Variants in IGF1R observed in about 807,000 individuals in gnomAD.
IGF1R encodes the protein insulin like growth factor 1 receptor, also known as insulin-like growth factor 1 receptor.
IGF1R carries 44 observed loss-of-function variants against 144.6 expected under a neutral mutation model. The observed-to-expected ratio is 0.30, with a 90% CI of 0.24 to 0.39. The LOEUF is 0.39. Among genes scored for constraint, IGF1R ranks in the 10% least tolerant of loss-of-function variants. IGF1R has a pLI of 1.00. For missense variants in IGF1R, 1,355 were observed against 1,833.7 expected (o/e 0.74, Z 4.77); for synonymous variants, 795 against 722.8 (o/e 1.10, Z -1.60).
At chr15:98,715,417 A>C (rs1207273904) in intron 2 of IGF1R, among the ~76,000 whole-genome samples, 1 of 152,192 alleles carries the variant, frequency 6.6e-6, no homozygotes, top group African/African-American at 2.4e-5. Context: ...TGATTTTTGC[A>C]TGCCAAGTAT....
At chr15:98,771,790 T>C (rs148885546) in intron 2 of IGF1R, among the ~76,000 whole-genome samples, 2 of 152,324 alleles carry the variant, frequency 1.3e-5, no homozygotes, top group Non-Finnish European at 2.9e-5. Context: ...CTTATTGGTT[T>C]GGTTATTGGC....
chr15:98,869,267 G>C (rs181737110), intron 2 of IGF1R, among the ~76,000 whole-genome samples: 25 of 150,546 alleles, frequency 1.7e-4, no homozygotes, highest in African/African-American at 6.1e-4. Flanking sequence ...TAATTCCAAA[G>C]AGATTTCGAG....
Position 98,874,593 on chromosome 15 carries a change from C to G in IGF1R, c.641-16732C>G, listed in dbSNP as rs865896969. Among the ~76,000 whole-genome samples the G allele has an allele frequency of 7.2e-5, 11 of 152,320 alleles. No homozygotes were observed. The Middle Eastern group carries it at 0.02, about 283-fold the overall frequency. ...CTGGGGACCTGGGTGTTTAACCCAA[C>G]TCTTGTGAGTGGTGTGGCTTTCATA... On this transcript the variant is annotated intron_variant, in intron 2 of 20. Transcript: ENST00000650285.
intron 1 of IGF1R, among the ~76,000 whole-genome samples, chr15:98,684,174 T>C (rs2141219089): frequency 6.6e-6 from 1 of 152,324 alleles, no homozygotes; most frequent in East Asian, 1.9e-4. Context: ...AACTTCTGCC[T>C]AAAAAATAAA....
intron 2 of IGF1R, among the ~76,000 whole-genome samples, chr15:98,747,684 C>T (rs1016770217): frequency 1.3e-5 from 2 of 152,206 alleles, no homozygotes; most frequent in African/African-American, 4.8e-5. Context: ...TTTAAAAAAG[C>T]CTCTGGACAG....
At chr15:98,686,885 G>A (rs1374964685) in intron 1 of IGF1R, among the ~76,000 whole-genome samples, 1 of 152,124 alleles carries the variant, frequency 6.6e-6, no homozygotes, top group Non-Finnish European at 1.5e-5. Context: ...TTCTAGGCTG[G>A]TCTGGAAGTC....
chr15:98,688,174 G>A (rs1415198850), intron 1 of IGF1R, among the ~76,000 whole-genome samples: 1 of 152,094 alleles, frequency 6.6e-6, no homozygotes, highest in African/African-American at 2.4e-5. Flanking sequence ...CTTGTTTCAC[G>A]GGTAGGGGGC....
At chr15:98,947,120 C>G (rs2016584085) in intron 19 of IGF1R, among the ~76,000 whole-genome samples, 1 of 152,150 alleles carries the variant, frequency 6.6e-6, no homozygotes, top group Non-Finnish European at 1.5e-5. Context: ...GGGCCCAGGC[C>G]TCTCTAAACT....
rs976777401 is a variant in IGF1R, at chr15:98,960,768, C to T, written c.*3326C>T. On this transcript the variant is annotated 3_prime_UTR_variant, in exon 21 of 21. Transcript: ENST00000650285. ...CACAGCCAGTCCCTGATAGAACACACGCAGGAGCAGAGTCCCCTCCCCCTC... is the reference window on the plus strand; with the variant it reads ...CACAGCCAGTCCCTGATAGAACACATGCAGGAGCAGAGTCCCCTCCCCCTC... The T allele has an allele frequency of 1.3e-5, 3 of 233,654 alleles. No homozygotes were observed. Among genetic ancestry groups the T allele is most frequent in the East Asian group, 6.0e-5 (1 of 16,620 alleles). The allele number at this position is 233,654 out of a possible 1,614,324, so 14.5% of individuals were successfully genotyped here. A position where few individuals can be genotyped will look rare whatever the true frequency, so the allele number is the denominator to read the frequency against.
intron 2 of IGF1R, among the ~76,000 whole-genome samples, chr15:98,877,655 C>T (rs1180414717): frequency 2.6e-5 from 4 of 152,110 alleles, no homozygotes; most frequent in Admixed American, 1.3e-4. Flanking sequence ...AAGGAGGTAG[C>T]GTTGGAGGAG....
At chr15:98,785,297 G>C (rs1046523768) in intron 2 of IGF1R, among the ~76,000 whole-genome samples, 1 of 152,180 alleles carries the variant, frequency 6.6e-6, no homozygotes, top group African/African-American at 2.4e-5. Context: ...ATTGTACACA[G>C]TCAGATACTT....
At chr15:98,710,337 G>T (rs1446844020) in intron 2 of IGF1R, among the ~76,000 whole-genome samples, 2 of 152,096 alleles carry the variant, frequency 1.3e-5, no homozygotes, top group Non-Finnish European at 2.9e-5. Flanking sequence ...GAAAACTCAG[G>T]CATGGGCATA....
intron 2 of IGF1R, among the ~76,000 whole-genome samples, chr15:98,736,891 C>T (rs768845383): frequency 3.0e-4 from 45 of 152,096 alleles, no homozygotes; most frequent in Admixed American, 1.4e-3. Flanking sequence ...GGATTACAGG[C>T]GTGAGCCACC....
chr15:98,899,032 T>A (rs1266533122), intron 4 of IGF1R, among the ~76,000 whole-genome samples: 1 of 152,206 alleles, frequency 6.6e-6, no homozygotes, highest in East Asian at 1.9e-4. Flanking sequence ...TAAATATAGA[T>A]CCCTGTATCT....
Position 98,959,260 on chromosome 15 carries a change from G to C in IGF1R, c.*1818G>C, listed in dbSNP as rs1173779326. The C allele has an allele frequency of 8.6e-6, 2 of 233,414 alleles. No individual in the cohort carries two copies. The highest frequency in any genetic ancestry group is 1.7e-5 in the Non-Finnish European group (2 of 117,980). 14.5% of individuals were successfully genotyped at this position (233,414 alleles called of 1,614,324 possible). ...GTTAACCGCAGACACTAGGCATTTG[G>C]ATTACTATTTTTCTTAATGGCTATT... On this transcript the variant is annotated 3_prime_UTR_variant, in exon 21 of 21. Transcript: ENST00000650285.
Position 98,939,380 on chromosome 15 carries a change from G to A in IGF1R, c.3457+20G>A. 1 of 1,613,722 alleles carries A rather than the reference G, an allele frequency of 6.2e-7. No homozygotes were observed. Among genetic ancestry groups the A allele is most frequent in the Non-Finnish European group, 8.5e-7 (1 of 1,179,644 alleles). ...TCGGAGGTGTGTCCTTAGCTTTCCA[G>A]GTCTGGGCAAGAACTAAACTCAGGT... On this transcript the variant is annotated intron_variant, in intron 18 of 20. Transcript: ENST00000650285.
chr15:98,799,217 CCT>C (rs2056311487), intron 2 of IGF1R, among the ~76,000 whole-genome samples: 1 of 152,052 alleles, frequency 6.6e-6, no homozygotes, highest in African/African-American at 2.4e-5. Context: ...TGTGCCTCCC[CCT>C]TTCGTGAGCC....
chr15:98,843,143 A>C (rs2011205014), intron 2 of IGF1R, among the ~76,000 whole-genome samples: 1 of 152,096 alleles, frequency 6.6e-6, no homozygotes, highest in Non-Finnish European at 1.5e-5. Context: ...AATTGCTCTT[A>C]CCATTCTTTC....
intron 2 of IGF1R, among the ~76,000 whole-genome samples, chr15:98,837,315 T>C (rs989955104): frequency 2.6e-5 from 4 of 152,190 alleles, no homozygotes; most frequent in African/African-American, 9.7e-5. Context: ...CTCGGCTCAC[T>C]GCAACCTCCA....
Sources: allele counts gnomAD v4.1 joint callset (sites outside exome capture counted in the v4.1 genomes callset), GRCh38; gene constraint gnomAD v4.1.1; transcripts MANE v1.5; gene names NCBI Gene and HGNC (gene_info 2026-07-23, HGNC 2026-07-21).